Variants in MET observed in about 807,000 individuals in gnomAD.
MET encodes hepatocyte growth factor receptor.
MET carries 48 observed loss-of-function variants against 133.1 expected under a neutral mutation model. That is an observed-to-expected ratio of 0.36 (90% CI 0.29 to 0.46). The LOEUF is 0.46. Among genes scored for constraint, MET ranks in the 20% least tolerant of loss-of-function variants. The pLI, the probability that MET is intolerant of heterozygous loss-of-function variation, is 1.00. For missense variants in MET, 1,442 were observed against 1,695.9 expected (o/e 0.85, Z 2.63); for synonymous variants, 628 against 616.5 (o/e 1.02, Z -0.28).
At chr7:116,777,982 A>G (rs2117042012) in intron 16 of MET, among the ~76,000 whole-genome samples, 2 of 152,346 alleles carry the variant, frequency 1.3e-5, no homozygotes, top group South Asian at 4.1e-4. Flanking sequence ...GAGGCATTCC[A>G]CATACATGAA....
In MET at chr7:116,726,254, T is replaced by C. The variant is rs182384081; in HGVS notation, c.1201-5414T>C. On this transcript the variant is annotated intron_variant, in intron 2 of 20. Coordinates refer to ENST00000397752, the MANE Select transcript of MET (RefSeq NM_000245.4). ...TATTACCTTTGAAGTCCCCTGAATATCCCATCCTAGCAATATTCCTCCCCC... is the reference window on the plus strand; with the variant it reads ...TATTACCTTTGAAGTCCCCTGAATACCCCATCCTAGCAATATTCCTCCCCC... 1.4e-4 allele frequency among the ~76,000 whole-genome samples: 20 copies of C among 145,272 alleles called. No homozygotes were observed. The East Asian group carries it at 4.1e-3, about 30-fold the overall frequency.
intron 2 of MET, chr7:116,724,770 A>T (rs199504586): frequency 1.2e-5 from 5 of 418,420 alleles, no homozygotes; most frequent in South Asian, 3.7e-5. Flanking sequence ...CTCCCTTTAC[A>T]GGCAGAAAAT....
At chr7:116,694,979 C>T (rs1166708597) in intron 1 of MET, among the ~76,000 whole-genome samples, 4 of 152,092 alleles carry the variant, frequency 2.6e-5, no homozygotes, top group Non-Finnish European at 5.9e-5. Flanking sequence ...TTGAAGGCTC[C>T]TTCAAAAAGC....
chr7:116,789,035 C>A (rs1277649454), intron 19 of MET, among the ~76,000 whole-genome samples: 3 of 152,202 alleles, frequency 2.0e-5, no homozygotes, highest in African/African-American at 7.2e-5. Context: ...TCCTTGTTCT[C>A]AGCCCTTATC....
intron 1 of MET, among the ~76,000 whole-genome samples, chr7:116,675,509 G>C (rs1046546917): frequency 2.0e-5 from 3 of 151,884 alleles, no homozygotes; most frequent in African/African-American, 7.3e-5. Context: ...ATACCAAAAC[G>C]ACCTTACAAG....
In MET at chr7:116,778,964, T is replaced by G; in HGVS notation, c.3522+7T>G. 1 of 1,613,516 alleles carries G rather than the reference T, an allele frequency of 6.2e-7. No homozygotes were observed. Among genetic ancestry groups the G allele is most frequent in the Non-Finnish European group, 8.5e-7 (1 of 1,179,850 alleles). ...CATTCGAAATGAGACTCATGTAAGT[T>G]GACTGCCAAGCTTACTAACTGGCAA... On this transcript the variant is annotated splice_region_variant and intron_variant, in intron 17 of 20. Coordinates refer to ENST00000397752, the MANE Select transcript of MET (RefSeq NM_000245.4).
At chr7:116,703,084 T>A (rs910356166) in intron 2 of MET, among the ~76,000 whole-genome samples, 1 of 152,176 alleles carries the variant, frequency 6.6e-6, no homozygotes, top group Admixed American at 6.5e-5. Flanking sequence ...TTCCCAGTAC[T>A]CGTCATCTTC....
chr7:116,718,727 G>A (rs1262271583), intron 2 of MET, among the ~76,000 whole-genome samples: 2 of 148,290 alleles, frequency 1.3e-5, no homozygotes, highest in Non-Finnish European at 3.0e-5. Flanking sequence ...CCACCTATGA[G>A]TGAGAATATG....
chr7:116,755,325 T>G, intron 5 of MET, 30 bp from the exon 6 acceptor site: 1 of 1,612,768 alleles, frequency 6.2e-7, no homozygotes, highest in Admixed American at 1.7e-5. Context: ...TATATTGGGT[T>G]TTTTTAAAAG....
chr7:116,722,329 G>A (rs910305969), intron 2 of MET, among the ~76,000 whole-genome samples: 1 of 151,040 alleles, frequency 6.6e-6, no homozygotes, highest in Admixed American at 6.6e-5. Context: ...TTTTCCATTT[G>A]CTTGGTAGCT....
Position 116,796,011 on chromosome 7 carries a change from G to A in MET, c.4060G>A (p.Ala1354Thr), listed in dbSNP as rs761522694. Reference sequence around the variant, plus strand: ...TGGGGAGCACTATGTCCATGTGAACGCTACTTATGTGAACGTAAAATGTGT... The same window carrying A: ...TGGGGAGCACTATGTCCATGTGAACACTACTTATGTGAACGTAAAATGTGT... ...FIGEHYVHVN[A>T]TYVNVKCVAP... The change falls in exon 21 of 21, where the codon GCT (alanine) becomes ACT (threonine). Residue 1354 changes from alanine (A) to threonine (T), a missense_variant. This residue lies in a region of MET where 94 missense variants were observed against 109.5 expected (regional missense o/e 0.86). Coordinates refer to ENST00000397752, the MANE Select transcript of MET (RefSeq NM_000245.4). 13 of 1,613,914 alleles carry A rather than the reference G, an allele frequency of 8.1e-6. No individual in the cohort carries two copies. Among genetic ancestry groups the A allele is most frequent in the Admixed American group, 5.0e-5 (3 of 60,004 alleles).
chr7:116,758,069 A>T (rs564648735), intron 8 of MET, among the ~76,000 whole-genome samples: 1 of 152,242 alleles, frequency 6.6e-6, no homozygotes, highest in Admixed American at 6.5e-5. Flanking sequence ...GAGTCTGGTC[A>T]TTGATAATAA....
chr7:116,706,205 G>A (rs978524232), intron 2 of MET, among the ~76,000 whole-genome samples: 1 of 152,118 alleles, frequency 6.6e-6, no homozygotes, highest in African/African-American at 2.4e-5. Context: ...GGGGAATGAA[G>A]CGTTAACTAT....
At chr7:116,695,946 C>T (rs1354653058) in intron 1 of MET, 1 of 219,456 alleles carries the variant, frequency 4.6e-6, no homozygotes, top group Non-Finnish European at 9.7e-6. Flanking sequence ...GATCTTGGCT[C>T]ACTACAACCT....
intron 1 of MET, among the ~76,000 whole-genome samples, chr7:116,698,271 A>G (rs1797037855): frequency 6.6e-6 from 1 of 152,202 alleles, no homozygotes; most frequent in South Asian, 2.1e-4. Context: ...CATACAATGA[A>G]ATGTTAAAAT....
In MET at chr7:116,795,900, C is replaced by T. The variant is rs1219703716; in HGVS notation, c.3949C>T (p.Leu1317=). 1 of 1,614,044 alleles carries T rather than the reference C, an allele frequency of 6.2e-7. No homozygotes were observed. Among genetic ancestry groups the T allele is most frequent in the Non-Finnish European group, 8.5e-7 (1 of 1,180,034 alleles). The stretch of plus-strand genomic sequence containing the variant: ...TTTTTGGAACAGATATGAAGTAATG[C>T]TAAAATGCTGGCACCCTAAAGCCGA... ...YCPDPLYEVM[L]KCWHPKAEMR... The change falls in exon 21 of 21, where the codon CTA becomes TTA. Residue 1317 remains leucine (L), a synonymous_variant. Transcript: ENST00000397752.
intron 17 of MET, among the ~76,000 whole-genome samples, chr7:116,779,251 C>T (rs573122315): frequency 1.3e-5 from 2 of 152,278 alleles, no homozygotes; most frequent in Non-Finnish European, 2.9e-5. Context: ...AAACTGTGCA[C>T]AGCACAGGAG....
At chr7:116,735,216 T>G (rs756600973) in intron 3 of MET, among the ~76,000 whole-genome samples, 4 of 152,214 alleles carry the variant, frequency 2.6e-5, no homozygotes, top group Non-Finnish European at 5.9e-5. Flanking sequence ...TCTTCCCGCA[T>G]GCCCCTTTCG....
At chr7:116,757,898 C>G (rs891623260) in intron 8 of MET, 124 bp downstream of exon 8, 4 of 1,079,458 alleles carry the variant, frequency 3.7e-6, no homozygotes, top group Middle Eastern at 3.1e-4. Flanking sequence ...TTTGTTTACT[C>G]TCCTACTGAC....
Sources: allele counts gnomAD v4.1 joint callset (sites outside exome capture counted in the v4.1 genomes callset), GRCh38; gene constraint gnomAD v4.1.1; regional missense constraint gnomAD v4.1.1; transcripts MANE v1.5; gene names NCBI Gene and HGNC (gene_info 2026-07-23, HGNC 2026-07-21).